Variants in RBM33 observed in about 807,000 individuals in gnomAD.
RBM33 encodes the protein RNA binding motif protein 33.
RBM33 carries 28 observed loss-of-function variants against 132.6 expected under a neutral mutation model. That is an observed-to-expected ratio of 0.21 (90% CI 0.16 to 0.29). The LOEUF is 0.29. Among genes scored for constraint, RBM33 ranks in the 10% least tolerant of loss-of-function variants. The pLI is 1.00. For missense variants in RBM33, 1,291 were observed against 1,518.5 expected (o/e 0.85, Z 2.49); for synonymous variants, 634 against 593.0 (o/e 1.07, Z -1.01).
chr7:155,705,406 T>G (rs889471658), intron 6 of RBM33, among the ~76,000 whole-genome samples: 1 of 152,246 alleles, frequency 6.6e-6, no homozygotes, highest in South Asian at 2.1e-4. Flanking sequence ...TAGTCAAGAT[T>G]AGAATAAAAG....
At chr7:155,650,935 T>C (rs1798337869) in intron 1 of RBM33, among the ~76,000 whole-genome samples, 2 of 152,168 alleles carry the variant, frequency 1.3e-5, no homozygotes, top group Admixed American at 1.3e-4. Flanking sequence ...AGTGTTGTAG[T>C]GGTGTGATCT....
intron 8 of RBM33, among the ~76,000 whole-genome samples, chr7:155,718,009 T>C (rs1800516000): frequency 6.6e-6 from 1 of 152,344 alleles, no homozygotes; most frequent in Non-Finnish European, 1.5e-5. Flanking sequence ...AATGTGTATA[T>C]GAGTGGCATA....
chr7:155,648,268 A>G (rs1798256748), intron 1 of RBM33, among the ~76,000 whole-genome samples: 1 of 152,228 alleles, frequency 6.6e-6, no homozygotes, highest in Non-Finnish European at 1.5e-5. Context: ...AGAGCAAGAT[A>G]CACTGCTGGG....
At chr7:155,705,401 A>G (rs1199418267) in intron 6 of RBM33, among the ~76,000 whole-genome samples, 1 of 152,262 alleles carries the variant, frequency 6.6e-6, no homozygotes, top group Non-Finnish European at 1.5e-5. Context: ...TCATGTAGTC[A>G]AGATTAGAAT....
In RBM33 at chr7:155,745,692, TAA is replaced by T; in HGVS notation, c.2979+93_2979+94del. On this transcript the variant is annotated intron_variant, in intron 14 of 17. Transcript: ENST00000401878. The surrounding 1 kb of genome is among the most constrained non-coding windows in gnomAD (Gnocchi z 4.1). The stretch of plus-strand genomic sequence containing the variant: ...CAGAGAATGTTTTTGAAGAAAGAAT[TAA>T]AAGTTACCTCTGTTATAGTCTTGTA... 1.6e-6 allele frequency: 2 copies of T among 1,260,266 alleles called. No homozygotes were observed. The highest frequency in any genetic ancestry group is 2.2e-6 in the Non-Finnish European group (2 of 925,834). The allele number at this position is 1,260,266 out of a possible 1,614,324, so 78.1% of individuals were successfully genotyped here. A position where few individuals can be genotyped will look rare whatever the true frequency, so the allele number is the denominator to read the frequency against.
At chr7:155,728,659 A>G (rs903687361) in intron 9 of RBM33, among the ~76,000 whole-genome samples, 4 of 152,156 alleles carry the variant, frequency 2.6e-5, no homozygotes, top group African/African-American at 9.7e-5. Flanking sequence ...TTTTGACTTG[A>G]TGTAGTACTT....
In RBM33 at chr7:155,673,459, C is replaced by CAT. The variant is rs568403408; in HGVS notation, c.171+554_171+555dup. ...GTGTGTGTATGTGTATATATACCCA[C>CAT]ATATATATATACATACACGTGTGTA... On this transcript the variant is annotated intron_variant, in intron 3 of 17. Transcript: ENST00000401878. Among the ~76,000 whole-genome samples, 34 of 140,896 alleles carry CAT rather than the reference C, an allele frequency of 2.4e-4. No individual in the cohort carries two copies. In the South Asian group the frequency reaches 2.7e-3, roughly 11 times the overall value. The allele number at this position is 140,896 out of a possible 152,430, so 92.4% of individuals were successfully genotyped here.
chr7:155,756,628 G>A (rs1194809616), intron 14 of RBM33, among the ~76,000 whole-genome samples: 1 of 152,116 alleles, frequency 6.6e-6, no homozygotes, highest in Non-Finnish European at 1.5e-5. Flanking sequence ...TGTTCTGAGA[G>A]ATGACATGAA....
chr7:155,706,706 T>G, intron 6 of RBM33, 154 bp from the exon 7 acceptor site: 1 of 611,752 alleles, frequency 1.6e-6, no homozygotes, highest in South Asian at 1.9e-5. Flanking sequence ...TTGCTGGTTG[T>G]ATCGTACTTG....
chr7:155,673,753 T>TATATACACACACATATATACATACAC (rs1799057208), intron 3 of RBM33, among the ~76,000 whole-genome samples: 4 of 48,888 alleles, frequency 8.2e-5, no homozygotes, highest in African/African-American at 2.3e-4. Flanking sequence ...CACGTGTATA[T>TATATACACACACATATATACATACAC]ACGCGCGCAT....
rs1283896297 is a variant in RBM33 at position 155,744,990 on chromosome 7, A to G, written c.2367A>G (p.Leu789=). 2 of 1,591,106 alleles carry G rather than the reference A, an allele frequency of 1.3e-6. No individual in the cohort carries two copies. The highest frequency in any genetic ancestry group is 1.7e-6 in the Non-Finnish European group (2 of 1,172,200). ...CTGATGAAGATGAGGAAACAAGGTTATATCGCTTAAAGATAGAAGAACAGA... is the reference window on the plus strand; with the variant it reads ...CTGATGAAGATGAGGAAACAAGGTTGTATCGCTTAAAGATAGAAGAACAGA... ...EFPDEDEETR[L]YRLKIEEQKR... The change falls in exon 14 of 18, where the codon TTA becomes TTG. Residue 789 remains leucine (L), a synonymous_variant. Transcript: ENST00000401878.
intron 4 of RBM33, among the ~76,000 whole-genome samples, chr7:155,679,032 C>T (rs1585428238): frequency 6.6e-6 from 1 of 152,040 alleles, no homozygotes; most frequent in Non-Finnish European, 1.5e-5. Context: ...ATTAGCCAGG[C>T]GTAGTGGCCC....
intron 14 of RBM33, among the ~76,000 whole-genome samples, chr7:155,760,961 C>T (rs1166019171): frequency 6.6e-6 from 1 of 152,172 alleles, no homozygotes; most frequent in Non-Finnish European, 1.5e-5. Flanking sequence ...GAGCGACTCC[C>T]AGTAAGATCG....
chr7:155,660,034 C>A (rs566489105), intron 1 of RBM33, among the ~76,000 whole-genome samples: 59 of 152,284 alleles, frequency 3.9e-4, no homozygotes, highest in Admixed American at 1.4e-3. Context: ...CTTTAATATC[C>A]AGTGTGATCT....
intron 7 of RBM33, among the ~76,000 whole-genome samples, chr7:155,709,795 T>C (rs1014551033): frequency 1.3e-5 from 2 of 152,218 alleles, no homozygotes; most frequent in Non-Finnish European, 2.9e-5. Flanking sequence ...GGGGGAAACA[T>C]ACTGCATTCT....
chr7:155,719,181 T>C (rs1352412541), intron 9 of RBM33, among the ~76,000 whole-genome samples: 4 of 152,224 alleles, frequency 2.6e-5, no homozygotes, highest in Non-Finnish European at 5.9e-5. Flanking sequence ...GAGTACATTT[T>C]TTTTTTTAAA....
intron 5 of RBM33, among the ~76,000 whole-genome samples, chr7:155,693,736 T>G (rs927602422): frequency 1.3e-5 from 2 of 152,108 alleles, no homozygotes; most frequent in South Asian, 2.1e-4. Context: ...GGGCTTTTTT[T>G]TTTCCCGGCT....
At chr7:155,728,414 A>G (rs1325825429) in intron 9 of RBM33, among the ~76,000 whole-genome samples, 3 of 152,130 alleles carry the variant, frequency 2.0e-5, no homozygotes, top group East Asian at 3.9e-4. Flanking sequence ...TGTAGCGTGT[A>G]CATACTCCAG....
chr7:155,706,131 A>T (rs1001365485), intron 6 of RBM33, among the ~76,000 whole-genome samples: 8 of 152,320 alleles, frequency 5.3e-5, no homozygotes, highest in African/African-American at 1.9e-4. Flanking sequence ...TACTGGCTTC[A>T]GTAAGAAAAT....
Sources: gnomAD v4.1 joint callset for allele counts (sites outside exome capture counted in the v4.1 genomes callset) on GRCh38, gnomAD v4.1.1 for gene constraint, Gnocchi (gnomAD v3.1) non-coding constraint, MANE v1.5 for transcripts, NCBI Gene and HGNC (gene_info 2026-07-23, HGNC 2026-07-21) for gene names.